The following PPL variants were observed in gnomAD, a reference collection of about 807,000 sequenced individuals.
PPL encodes the protein 190 kDa paraneoplastic pemphigus antigen.
Under a neutral mutation model 194.4 loss-of-function variants are expected in PPL, and 198 were observed. That is an observed-to-expected ratio of 1.02 (90% CI 0.91 to 1.15). The LOEUF (loss-of-function observed/expected upper bound fraction) is 1.15. Ranked by LOEUF, PPL falls within the 50% of genes most tolerant of loss-of-function variation. The pLI is 0.00. For missense variants in PPL, 2,885 were observed against 2,294.8 expected (o/e 1.26, Z -5.25); for synonymous variants, 1,220 against 972.4 (o/e 1.25, Z -4.74).
At chr16:4,898,955 G>A (rs371410302) in intron 8 of PPL, 58 bp downstream of exon 8, 4 of 1,457,686 alleles carry the variant, frequency 2.7e-6, no homozygotes, top group African/African-American at 2.8e-5. Context: ...GCGGCCCACA[G>A]GCAGCGGCCA....
Position 4,885,120 on chromosome 16 carries a change from G to A in PPL, c.3535C>T (p.Arg1179Trp), listed in dbSNP as rs1252693619. 1.8e-5 allele frequency: 29 copies of A among 1,613,764 alleles called. No individual in the cohort carries two copies. The highest frequency in any genetic ancestry group is 2.4e-5 in the Non-Finnish European group (28 of 1,180,014). The change falls in exon 22 of 22, where the codon CGG (arginine) becomes TGG (tryptophan). Residue 1179 changes from arginine to tryptophan, a missense_variant. Coordinates refer to ENST00000345988, the MANE Select transcript of PPL (RefSeq NM_002705.5). The surrounding 1 kb of genome is among the most constrained non-coding windows in gnomAD (Gnocchi z 6.3). ...VVQEKVREIV[R>W]PDPKAESEVA... ...TCACTTTCCGCCTTGGGGTCTGGCC[G>A]CACGATCTCCCGCACCTTCTCCTGC...
rs769715819 is a variant in PPL at position 4,890,722 on chromosome 16, C to T, written c.2162+6G>A. On this transcript the variant is annotated splice_donor_region_variant and intron_variant, in intron 17 of 21. Transcript: ENST00000345988. ...CAAAAATGGCCACCACCCACCGCAC[C>T]CTCACCTGCGTTCCACCTGCTGGCG... 9 of 1,601,618 alleles carry T rather than the reference C, an allele frequency of 5.6e-6. No homozygotes were observed. Among genetic ancestry groups the T allele is most frequent in the Non-Finnish European group, 7.7e-6 (9 of 1,174,502 alleles).
chr16:4,903,780 G>C, intron 3 of PPL, 106 bp downstream of exon 3: 1 of 1,346,064 alleles, frequency 7.4e-7, no homozygotes, highest in Non-Finnish European at 1.0e-6. Flanking sequence ...CACCTAATTA[G>C]CCCTTGATAA....
rs1290850944 is a variant in PPL at position 4,887,332 on chromosome 16, G to C, written c.2515-105C>G. The C allele has an allele frequency of 4.7e-6, 4 of 846,326 alleles. No individual in the cohort carries two copies. The African/African-American group carries it at 5.0e-5, about 11-fold the overall frequency. The allele number at this position is 846,326 out of a possible 1,614,324, so 52.4% of individuals were successfully genotyped here. ...GTGGTTCTTGAGAAGTGTGGAATTT[G>C]GGGGTAGAGGCATAGCTCTTGCCCA... is the stretch of plus-strand genomic sequence containing the variant. On this transcript the variant is annotated intron_variant, in intron 20 of 21. Transcript: ENST00000345988.
At chr16:4,892,888 A>C (rs28635918) in intron 14 of PPL, 11,700 of 253,596 alleles carry the variant, frequency 0.046, 1,359 homozygotes, top group African/African-American at 0.24. Flanking sequence ...TGGAGTTTAT[A>C]AATACAAACG....
intron 1 of PPL, among the ~76,000 whole-genome samples, chr16:4,931,672 C>G (rs1458840099): frequency 6.6e-6 from 1 of 152,214 alleles, no homozygotes; most frequent in Non-Finnish European, 1.5e-5. Context: ...GGTTCTCTTC[C>G]CCAGACGAGG....
chr16:4,929,385 G>A (rs1320993498), intron 1 of PPL, among the ~76,000 whole-genome samples: 1 of 152,030 alleles, frequency 6.6e-6, no homozygotes, highest in African/African-American at 2.4e-5. Context: ...CAGGACTCAG[G>A]GCTTGCCTGC....
At chr16:4,905,753 G>A (rs1568025220) in intron 2 of PPL, among the ~76,000 whole-genome samples, 1 of 152,164 alleles carries the variant, frequency 6.6e-6, no homozygotes, top group African/African-American at 2.4e-5. Context: ...GTCTGGAAGG[G>A]CTGAAGGGTG....
At chr16:4,934,060 C>G (rs758873112) in intron 1 of PPL, among the ~76,000 whole-genome samples, 8 of 152,350 alleles carry the variant, frequency 5.3e-5, no homozygotes, top group South Asian at 2.1e-4. Context: ...AGCAGCTCCT[C>G]TGAGGTCGCA....
intron 16 of PPL, 188 bp downstream of exon 16, chr16:4,891,623 A>T (rs1376213881): frequency 3.1e-6 from 2 of 653,688 alleles, no homozygotes; most frequent in Non-Finnish European, 4.9e-6. Flanking sequence ...AAATCCCGTA[A>T]GTCACACAGA....
At position 4,884,752 on chromosome 16, in the gene PPL, GTCT is replaced by G. The variant is rs1941366713; in HGVS notation, c.3900_3902del (p.Glu1300del). ...ACGCCACCTCCTCCTTGGTTTGAGG[GTCT>G]TCTTGGAATTGGAGGATCTCCTGGA... On this transcript the variant is annotated inframe_deletion, in exon 22 of 22. Coordinates refer to ENST00000345988, the MANE Select transcript of PPL (RefSeq NM_002705.5). This position sits in a 1 kb window ranked among gnomAD's most constrained non-coding sequence, Gnocchi z 5.7. 1 of 1,614,146 alleles carries G rather than the reference GTCT, an allele frequency of 6.2e-7. No homozygotes were observed. Among genetic ancestry groups the G allele is most frequent in the African/African-American group, 1.3e-5 (1 of 75,026 alleles).
chr16:4,894,426 G>A, intron 12 of PPL, 41 bp downstream of exon 12: 4 of 1,605,526 alleles, frequency 2.5e-6, no homozygotes, highest in Non-Finnish European at 2.6e-6. Context: ...AGCCCTGGGG[G>A]TGGGACTGGT....
rs180723999 is a variant in PPL at position 4,927,101 on chromosome 16, A to G, written c.62+9883T>C. Among the ~76,000 whole-genome samples the G allele has an allele frequency of 4.1e-3, 617 of 152,288 alleles. 2 individuals are homozygous for G. Among genetic ancestry groups the G allele is most frequent in the African/African-American group, 0.014 (587 of 41,560 alleles). The stretch of plus-strand genomic sequence containing the variant: ...AGGTTCAAACACATTAGTCATTACA[A>G]TAAATGTAAATGAGTTAATTTTGCC... On this transcript the variant is annotated intron_variant, in intron 1 of 21. Coordinates refer to ENST00000345988, the MANE Select transcript of PPL (RefSeq NM_002705.5).
intron 1 of PPL, among the ~76,000 whole-genome samples, chr16:4,916,239 G>A (rs1298529035): frequency 6.6e-6 from 1 of 152,010 alleles, no homozygotes. Flanking sequence ...TTGAGACAGG[G>A]TCTCACCCTG....
intron 1 of PPL, among the ~76,000 whole-genome samples, chr16:4,921,887 GCA>G (rs55700844): frequency 0.65 from 98,077 of 151,468 alleles, 36,018 homozygotes; most frequent in Non-Finnish European, 0.82. Context: ...CGCCAGGACA[GCA>G]CACAGTCCTC....
chr16:4,912,972 CAT>C (rs2088849275), intron 1 of PPL, among the ~76,000 whole-genome samples: 2 of 151,942 alleles, frequency 1.3e-5, no homozygotes, highest in Non-Finnish European at 2.9e-5. Context: ...GGTGTGGTGG[CAT>C]GCGCCTGTAG....
chr16:4,897,797 C>A (rs1279090046), intron 8 of PPL, 27 bp from the exon 9 acceptor site: 3 of 1,592,354 alleles, frequency 1.9e-6, no homozygotes, highest in Admixed American at 1.7e-5. Flanking sequence ...GGGCCGGTCA[C>A]CACTGGGCAG....
chr16:4,933,983 A>G (rs2089259485), intron 1 of PPL, among the ~76,000 whole-genome samples: 1 of 152,196 alleles, frequency 6.6e-6, no homozygotes, highest in Non-Finnish European at 1.5e-5. Context: ...ATCCTGAGCC[A>G]ACATCGCCAG....
At chr16:4,900,456 TAAAGGCAG>T (rs2088540500) in intron 6 of PPL, among the ~76,000 whole-genome samples, 2 of 128,800 alleles carry the variant, frequency 1.6e-5, no homozygotes, top group Admixed American at 7.8e-5. Flanking sequence ...TTTTTTTTTT[TAAAGGCAG>T]GGTTTTGCTC....
Sources: allele counts gnomAD v4.1 joint callset (sites outside exome capture counted in the v4.1 genomes callset), GRCh38; gene constraint gnomAD v4.1.1; non-coding constraint Gnocchi (gnomAD v3.1); transcripts MANE v1.5; gene names NCBI Gene and HGNC (gene_info 2026-07-23, HGNC 2026-07-21).